The following DLEU7 variants were observed in gnomAD, a reference collection of about 807,000 sequenced individuals.
DLEU7 encodes deleted in lymphocytic leukemia 7.
A neutral mutation model predicts 16.0 loss-of-function variants in DLEU7; 17 were observed. That is an observed-to-expected ratio of 1.06 (90% CI 0.73 to 1.59). The LOEUF is 1.59. Among genes scored for constraint, DLEU7 ranks in the 40% most tolerant of loss-of-function variants. DLEU7 has a pLI of 0.00. For synonymous variants in DLEU7, 113 were observed against 139.8 expected (o/e 0.81, Z 1.35); for missense variants, 308 against 314.9 (o/e 0.98, Z 0.17).
intron 1 of DLEU7, among the ~76,000 whole-genome samples, chr13:50,774,019 G>T (rs893815637): frequency 6.6e-6 from 1 of 152,192 alleles, no homozygotes; most frequent in Non-Finnish European, 1.5e-5. Flanking sequence ...AGTTCGATCT[G>T]GGACTGCTGA....
At chr13:50,722,557 A>G (rs779704495) in intron 1 of DLEU7, among the ~76,000 whole-genome samples, 1 of 152,226 alleles carries the variant, frequency 6.6e-6, no homozygotes, top group South Asian at 2.1e-4. Context: ...TCACAAAACA[A>G]GGAATACGCT....
chr13:50,775,910 C>T (rs1875480940), intron 1 of DLEU7, among the ~76,000 whole-genome samples: 1 of 152,154 alleles, frequency 6.6e-6, no homozygotes, highest in Admixed American at 6.5e-5. Flanking sequence ...TTTATCTTTC[C>T]ATGCATTAAA....
intron 1 of DLEU7, among the ~76,000 whole-genome samples, chr13:50,723,638 G>C (rs1320944957): frequency 6.6e-6 from 1 of 151,940 alleles, no homozygotes; most frequent in African/African-American, 2.4e-5. Flanking sequence ...GGGAAGTAGA[G>C]GGAGAAAAAG....
intron 1 of DLEU7, chr13:50,813,104 G>C (rs750116776): frequency 3.3e-5 from 5 of 152,232 alleles, no homozygotes; most frequent in East Asian, 1.9e-4. Context: ...TATGGCGGTA[G>C]ACTAAGATTT....
intron 1 of DLEU7, among the ~76,000 whole-genome samples, chr13:50,830,385 C>T (rs957377699): frequency 1.3e-5 from 2 of 152,172 alleles, no homozygotes; most frequent in African/African-American, 4.8e-5. Context: ...AGATATGGTA[C>T]TTGATCTATA....
At chr13:50,813,553 C>T (rs1443643650) in intron 1 of DLEU7, among the ~76,000 whole-genome samples, 1 of 151,924 alleles carries the variant, frequency 6.6e-6, no homozygotes, top group Non-Finnish European at 1.5e-5. Context: ...GCATTATTAT[C>T]TACTTTAAAA....
chr13:50,730,930 C>G (rs573584100), intron 1 of DLEU7, among the ~76,000 whole-genome samples: 2 of 152,030 alleles, frequency 1.3e-5, no homozygotes, highest in African/African-American at 4.8e-5. Flanking sequence ...AAAGGAAAAC[C>G]CCACCTCTCC....
downstream of DLEU7, chr13:50,711,772 C>CCGGGGGGAGGG: frequency 2.2e-4 from 16 of 73,012 alleles, 2 homozygotes; most frequent in African/African-American, 5.8e-4. Context: ...GACCCAGTGG[C>CCGGGGGGAGGG]GGGGGCGGGG....
At chr13:50,746,693 C>G (rs1454596556) in intron 1 of DLEU7, among the ~76,000 whole-genome samples, 1 of 152,030 alleles carries the variant, frequency 6.6e-6, no homozygotes, top group African/African-American at 2.4e-5. Flanking sequence ...TAGATTTATC[C>G]CCTTATAATA....
chr13:50,783,657 T>C (rs17399536), intron 1 of DLEU7, among the ~76,000 whole-genome samples: 75,435 of 152,050 alleles, frequency 0.5, 19,820 homozygotes, highest in African/African-American at 0.67. Context: ...GATGGATTGA[T>C]GGCCAATAGC....
intron 1 of DLEU7, among the ~76,000 whole-genome samples, chr13:50,831,597 C>T (rs1877267482): frequency 6.6e-6 from 1 of 152,120 alleles, no homozygotes; most frequent in Non-Finnish European, 1.5e-5. Flanking sequence ...CTGAACACTT[C>T]CAATCATTGG....
At chr13:50,807,752 T>C (rs1486572144) in intron 1 of DLEU7, 2 of 152,094 alleles carry the variant, frequency 1.3e-5, no homozygotes, top group Non-Finnish European at 2.9e-5. Flanking sequence ...CTCCCCTTTG[T>C]GGGGAGTGTC....
At chr13:50,746,962 C>G (rs1874415731) in intron 1 of DLEU7, among the ~76,000 whole-genome samples, 1 of 151,828 alleles carries the variant, frequency 6.6e-6, no homozygotes, top group Non-Finnish European at 1.5e-5. Context: ...CGTACACACA[C>G]ACACACACAT....
At chr13:50,786,280 T>C (rs372167189) in intron 1 of DLEU7, among the ~76,000 whole-genome samples, 9 of 152,330 alleles carry the variant, frequency 5.9e-5, no homozygotes, top group African/African-American at 2.2e-4. Flanking sequence ...TATTCATAGA[T>C]AATCACAAGA....
At chr13:50,755,502 T>C (rs2137738923) in intron 1 of DLEU7, among the ~76,000 whole-genome samples, 2 of 152,236 alleles carry the variant, frequency 1.3e-5, no homozygotes, top group African/African-American at 4.8e-5. Flanking sequence ...TTCCAGAACA[T>C]TTTGTATTTC....
intron 1 of DLEU7, among the ~76,000 whole-genome samples, chr13:50,747,002 AAAAT>A (rs1420894541): frequency 2.0e-5 from 3 of 152,192 alleles, no homozygotes; most frequent in Non-Finnish European, 2.9e-5. Context: ...ATCTTTGTGA[AAAAT>A]AAACCCTAAA....
At chr13:50,731,804 AT>A (rs1873920117) in intron 1 of DLEU7, among the ~76,000 whole-genome samples, 6 of 152,196 alleles carry the variant, frequency 3.9e-5, no homozygotes, top group Admixed American at 2.0e-4. Context: ...GTCCCTCCCA[AT>A]TACAAAGCCA....
At chr13:50,815,568 A>G (rs927014579) in intron 1 of DLEU7, among the ~76,000 whole-genome samples, 1 of 152,160 alleles carries the variant, frequency 6.6e-6, no homozygotes, top group Non-Finnish European at 1.5e-5. Context: ...CCTGGAAACA[A>G]TGGACTAGCT....
intron 1 of DLEU7, among the ~76,000 whole-genome samples, chr13:50,806,960 G>A (rs1260632938): frequency 2.5e-5 from 3 of 118,586 alleles, no homozygotes; most frequent in African/African-American, 1.3e-4. Flanking sequence ...CTGGGTGACA[G>A]AGCTAGACTC....
Sources: allele counts gnomAD v4.1 joint callset (sites outside exome capture counted in the v4.1 genomes callset), GRCh38; gene constraint gnomAD v4.1.1; transcripts MANE v1.5; gene names NCBI Gene and HGNC (gene_info 2026-07-23, HGNC 2026-07-21).